The following SORCS3 variants were observed in gnomAD, a reference collection of about 807,000 sequenced individuals.
SORCS3 encodes the protein VPS10 domain-containing receptor SorCS3.
In SORCS3, 57 loss-of-function variants were observed where a neutral mutation model predicts 146.3. The observed-to-expected ratio is 0.39, with a 90% confidence interval of 0.31 to 0.49. The LOEUF (loss-of-function observed/expected upper bound fraction) is 0.49, where lower values mean the gene tolerates loss of function less well. SORCS3 is among the 20% of genes least tolerant of loss of function. The pLI is 0.92. For missense variants in SORCS3, 1,341 were observed against 1,575.5 expected (o/e 0.85, Z 2.52); for synonymous variants, 653 against 618.5 (o/e 1.06, Z -0.83).
chr10:104,880,213 C>T (rs1314611619), intron 2 of SORCS3, among the ~76,000 whole-genome samples: 2 of 152,040 alleles, frequency 1.3e-5, no homozygotes, highest in Admixed American at 6.6e-5. Context: ...TGAAATAAAA[C>T]GTAATGAGAA....
At chr10:105,037,389 C>T (rs1045831550) in intron 4 of SORCS3, among the ~76,000 whole-genome samples, 1 of 152,150 alleles carries the variant, frequency 6.6e-6, no homozygotes, top group African/African-American at 2.4e-5. Context: ...CTTGAAGTAA[C>T]AGAAATATAT....
chr10:104,773,224 C>A (rs1467482472), intron 1 of SORCS3, among the ~76,000 whole-genome samples: 2 of 152,160 alleles, frequency 1.3e-5, no homozygotes, highest in Non-Finnish European at 2.9e-5. Flanking sequence ...ACCACAGAGG[C>A]ATGGCCTTTC....
At chr10:104,987,843 T>A (rs1315834382) in intron 4 of SORCS3, among the ~76,000 whole-genome samples, 2 of 152,194 alleles carry the variant, frequency 1.3e-5, no homozygotes, top group Non-Finnish European at 2.9e-5. Context: ...TTATTTGCTT[T>A]GACAGCTGTA....
At chr10:105,066,121 A>T (rs187306102) in intron 5 of SORCS3, among the ~76,000 whole-genome samples, 1 of 152,354 alleles carries the variant, frequency 6.6e-6, no homozygotes, top group East Asian at 1.9e-4. Context: ...AAGAGTTTTT[A>T]AAAATTAATA....
chr10:104,726,562 C>T (rs1451130583), intron 1 of SORCS3, among the ~76,000 whole-genome samples: 1 of 151,972 alleles, frequency 6.6e-6, no homozygotes, highest in Admixed American at 6.6e-5. Context: ...GCATTTGTGC[C>T]ATCCCACCAT....
chr10:105,050,036 TACACACACAC>T (rs35011679), intron 5 of SORCS3, among the ~76,000 whole-genome samples: 2 of 149,226 alleles, frequency 1.3e-5, no homozygotes, highest in East Asian at 4.0e-4. Flanking sequence ...TATATATACA[TACACACACAC>T]ACACACACAC....
At position 105,042,945 on chromosome 10, in the gene SORCS3, T is replaced by C. The variant is rs1255284312; in HGVS notation, c.955-110T>C. 6 of 827,544 alleles carry C rather than the reference T, an allele frequency of 7.3e-6. No individual in the cohort carries two copies. The East Asian group carries it at 1.2e-4, about 17-fold the overall frequency. The allele number at this position is 827,544 out of a possible 1,614,324, so 51.3% of individuals were successfully genotyped here. On this transcript the variant is annotated intron_variant, in intron 4 of 26. Transcript: ENST00000369701. ...TTTTTATCTGGATAAAATAAATGCC[T>C]ACTTGGGTGTGTTGGGCACTCTGGT...
At chr10:105,074,277 C>T (rs975365624) in intron 5 of SORCS3, among the ~76,000 whole-genome samples, 6 of 152,270 alleles carry the variant, frequency 3.9e-5, no homozygotes, top group Middle Eastern at 3.4e-3. Context: ...TTATCAGCTG[C>T]GGTGACTTAG....
At chr10:104,995,519 T>C (rs1024411678) in intron 4 of SORCS3, among the ~76,000 whole-genome samples, 3 of 152,214 alleles carry the variant, frequency 2.0e-5, no homozygotes, top group Non-Finnish European at 4.4e-5. Flanking sequence ...TTCCATTCTT[T>C]TAGTGACTAA....
At chr10:104,729,734 C>T (rs947031094) in intron 1 of SORCS3, among the ~76,000 whole-genome samples, 1 of 152,172 alleles carries the variant, frequency 6.6e-6, no homozygotes, top group Non-Finnish European at 1.5e-5. Flanking sequence ...ACTACAGAAC[C>T]TGTCATGATG....
intron 9 of SORCS3, among the ~76,000 whole-genome samples, chr10:105,148,617 C>A (rs1195739670): frequency 6.6e-6 from 1 of 151,936 alleles, no homozygotes; most frequent in Non-Finnish European, 1.5e-5. Context: ...TGGCCACACC[C>A]ATACAGACTG....
chr10:104,995,193 T>A (rs2133666720), intron 4 of SORCS3, among the ~76,000 whole-genome samples: 1 of 149,486 alleles, frequency 6.7e-6, no homozygotes, highest in Non-Finnish European at 1.5e-5. Flanking sequence ...GGAGTCTTGC[T>A]CTGTCGTCCA....
chr10:104,912,501 C>G (rs577021548), intron 2 of SORCS3, among the ~76,000 whole-genome samples: 1 of 152,136 alleles, frequency 6.6e-6, no homozygotes. Context: ...TAGACTGTAC[C>G]GTCTGCACTG....
chr10:105,040,014 C>T (rs1037806258), intron 4 of SORCS3, among the ~76,000 whole-genome samples: 3 of 152,116 alleles, frequency 2.0e-5, no homozygotes, highest in African/African-American at 7.2e-5. Flanking sequence ...GGAATCAGGG[C>T]TGGCAGATTT....
intron 4 of SORCS3, among the ~76,000 whole-genome samples, chr10:105,007,631 C>A (rs371326958): frequency 7.9e-5 from 12 of 152,024 alleles, no homozygotes; most frequent in East Asian, 5.8e-4. Context: ...TAATTGCAGA[C>A]CGTTTTTTCT....
At chr10:104,643,736 G>T (rs927013816) in intron 1 of SORCS3, among the ~76,000 whole-genome samples, 22 of 151,898 alleles carry the variant, frequency 1.4e-4, no homozygotes, top group African/African-American at 4.8e-4. Context: ...GTGTGTGTGT[G>T]TGTGTGTGTT....
At chr10:104,966,182 T>C (rs1268307209) in intron 3 of SORCS3, among the ~76,000 whole-genome samples, 2 of 151,948 alleles carry the variant, frequency 1.3e-5, no homozygotes, top group Non-Finnish European at 2.9e-5. Context: ...GCTGTGATAA[T>C]TAACATATCT....
At chr10:105,113,532 A>T (rs2055872810) in intron 7 of SORCS3, among the ~76,000 whole-genome samples, 2 of 152,076 alleles carry the variant, frequency 1.3e-5, no homozygotes, top group African/African-American at 4.8e-5. Context: ...ATTTCTCTTG[A>T]CATATTATTT....
intron 2 of SORCS3, among the ~76,000 whole-genome samples, chr10:104,900,295 CCTT>C (rs1398710693): frequency 6.6e-6 from 1 of 152,252 alleles, no homozygotes; most frequent in East Asian, 1.9e-4. Context: ...TTTACCTGTT[CCTT>C]CTTCTTCACC....
Sources: gnomAD v4.1 joint callset for allele counts (sites outside exome capture counted in the v4.1 genomes callset) on GRCh38, gnomAD v4.1.1 for gene constraint, MANE v1.5 for transcripts, NCBI Gene and HGNC (gene_info 2026-07-23, HGNC 2026-07-21) for gene names.